Variants in SLC25A48 observed in about 807,000 individuals in gnomAD.
SLC25A48 encodes the protein CTC-321K16.1.
SLC25A48 carries 29 observed loss-of-function variants against 32.2 expected under a neutral mutation model. That is an observed-to-expected ratio of 0.90 (90% CI 0.67 to 1.23). The LOEUF is 1.23. SLC25A48 is among the 50% of genes most tolerant of loss of function. The pLI, the probability that SLC25A48 is intolerant of heterozygous loss-of-function variation, is 0.00. For missense variants in SLC25A48, 399 were observed against 422.7 expected (o/e 0.94, Z 0.49); for synonymous variants, 164 against 172.3 (o/e 0.95, Z 0.38).
intron 3 of SLC25A48, among the ~76,000 whole-genome samples, chr5:135,793,479 C>T (rs1181115574): frequency 6.6e-6 from 1 of 151,804 alleles, no homozygotes; most frequent in Non-Finnish European, 1.5e-5. Flanking sequence ...AGAGATATTA[C>T]TGTCCTAATA....
Position 135,852,642 on chromosome 5 carries a change from G to C in SLC25A48, c.242G>C (p.Ser81Thr). 1 of 1,613,778 alleles carries C rather than the reference G, an allele frequency of 6.2e-7. No homozygotes were observed. Reference protein sequence around the residue: ...VYNSVVFGVFSNTQRFLSQHR... With the variant: ...VYNSVVFGVFTNTQRFLSQHR... Reference sequence around the variant, plus strand: ...AACTCCGTGGTGTTTGGGGTCTTCAGTAACACGCAGCGGTTCCTCAGCCAG... The same window carrying C: ...AACTCCGTGGTGTTTGGGGTCTTCACTAACACGCAGCGGTTCCTCAGCCAG... The change falls in exon 4 of 8, where the codon AGT (serine) becomes ACT (threonine). Residue 81 changes from serine to threonine, a missense_variant. Physicochemically the swap from Ser to Thr is moderately conservative, Grantham distance 58. Coordinates refer to ENST00000681962, the MANE Select transcript of SLC25A48 (RefSeq NM_001349336.2).
chr5:135,785,781 T>G, intron 3 of SLC25A48, among the ~76,000 whole-genome samples: 1 of 146,338 alleles, frequency 6.8e-6, no homozygotes, highest in Non-Finnish European at 1.5e-5. Flanking sequence ...CCATGGATCG[T>G]AATATCCAGG....
At chr5:135,662,912 G>A (rs890582694) in intron 3 of SLC25A48, among the ~76,000 whole-genome samples, 3 of 152,120 alleles carry the variant, frequency 2.0e-5, no homozygotes, top group Non-Finnish European at 2.9e-5. Flanking sequence ...CCAGGCAGGA[G>A]CTCTCTCCTG....
chr5:135,700,371 CAA>C (rs34125451), intron 3 of SLC25A48, among the ~76,000 whole-genome samples: 1 of 67,952 alleles, frequency 1.5e-5, no homozygotes. Context: ...GACTCTGTCT[CAA>C]AAAAAAAAAA....
intron 3 of SLC25A48, among the ~76,000 whole-genome samples, chr5:135,774,269 C>T (rs551873552): frequency 8.6e-5 from 13 of 151,478 alleles, no homozygotes; most frequent in African/African-American, 2.7e-4. Context: ...GTCCTAATAA[C>T]GCCAGAGGTG....
intron 3 of SLC25A48, among the ~76,000 whole-genome samples, chr5:135,695,032 G>A (rs904020617): frequency 1.2e-4 from 18 of 152,210 alleles, no homozygotes; most frequent in Middle Eastern, 3.4e-3. Context: ...GGCAGCCCTC[G>A]GCTTTGCATT....
At chr5:135,703,743 C>A (rs569214866) in intron 3 of SLC25A48, among the ~76,000 whole-genome samples, 1 of 152,194 alleles carries the variant, frequency 6.6e-6, no homozygotes, top group Non-Finnish European at 1.5e-5. Context: ...CCTGCCAGAC[C>A]GTGGGCTCTG....
intron 1 of SLC25A48, among the ~76,000 whole-genome samples, chr5:135,589,615 T>C (rs764241578): frequency 3.9e-5 from 6 of 152,268 alleles, no homozygotes; most frequent in Non-Finnish European, 8.8e-5. Flanking sequence ...TCATTCATAC[T>C]TTGAATTTGG....
At chr5:135,787,210 A>C (rs1331460773) in intron 3 of SLC25A48, among the ~76,000 whole-genome samples, 1 of 152,042 alleles carries the variant, frequency 6.6e-6, no homozygotes, top group African/African-American at 2.4e-5. Flanking sequence ...GTGTACAACA[A>C]ATGTGTTCAC....
chr5:135,873,512 C>A (rs376732710), intron 5 of SLC25A48, among the ~76,000 whole-genome samples: 42 of 152,184 alleles, frequency 2.8e-4, no homozygotes, highest in Non-Finnish European at 5.3e-4. Context: ...TTGTGAGCAG[C>A]CTGTCTGCCT....
intron 4 of SLC25A48, among the ~76,000 whole-genome samples, chr5:135,857,582 C>T (rs879308248): frequency 1.3e-5 from 2 of 152,252 alleles, no homozygotes; most frequent in African/African-American, 2.4e-5. Flanking sequence ...GGGCTATGTG[C>T]TGAGAATGCA....
chr5:135,867,569 A>T (rs1341720208), intron 4 of SLC25A48, among the ~76,000 whole-genome samples: 1 of 151,978 alleles, frequency 6.6e-6, no homozygotes, highest in East Asian at 1.9e-4. Context: ...ACTGGCGGAG[A>T]TTTCTGCTGT....
chr5:135,801,872 C>T (rs1414532301), intron 3 of SLC25A48, among the ~76,000 whole-genome samples: 1 of 151,726 alleles, frequency 6.6e-6, no homozygotes, highest in Non-Finnish European at 1.5e-5. Flanking sequence ...GATGATATTA[C>T]TCGCAATATT....
chr5:135,864,071 T>C (rs1761008877), intron 4 of SLC25A48, among the ~76,000 whole-genome samples: 1 of 152,152 alleles, frequency 6.6e-6, no homozygotes, highest in South Asian at 2.1e-4. Flanking sequence ...AAGAAGGTTC[T>C]AATTTCTGGA....
At chr5:135,730,030 C>T (rs1580820792) in intron 3 of SLC25A48, among the ~76,000 whole-genome samples, 1 of 152,240 alleles carries the variant, frequency 6.6e-6, no homozygotes, top group Admixed American at 6.5e-5. Flanking sequence ...CATAAACTGA[C>T]AGGTGTAAGG....
chr5:135,729,935 A>G (rs1755186100), intron 3 of SLC25A48, among the ~76,000 whole-genome samples: 1 of 152,192 alleles, frequency 6.6e-6, no homozygotes, highest in South Asian at 2.1e-4. Context: ...TGTAATATAT[A>G]TTATGTAGTG....
chr5:135,753,101 G>T (rs147999355), intron 3 of SLC25A48, among the ~76,000 whole-genome samples: 4 of 152,090 alleles, frequency 2.6e-5, no homozygotes, highest in South Asian at 2.1e-4. Flanking sequence ...AGCAATAATT[G>T]CTCAAGGATA....
chr5:135,842,158 C>T (rs1759056391), intron 1 of SLC25A48, among the ~76,000 whole-genome samples: 1 of 152,186 alleles, frequency 6.6e-6, no homozygotes, highest in Non-Finnish European at 1.5e-5. Context: ...TATCTCCACT[C>T]TTTCACCCTT....
intron 2 of SLC25A48, among the ~76,000 whole-genome samples, chr5:135,845,687 G>T (rs895537694): frequency 8.5e-5 from 13 of 152,228 alleles, no homozygotes; most frequent in African/African-American, 3.1e-4. Context: ...CATGAAGCTT[G>T]TTCATGGAGG....
Sources: allele counts gnomAD v4.1 joint callset (sites outside exome capture counted in the v4.1 genomes callset), GRCh38; gene constraint gnomAD v4.1.1; transcripts MANE v1.5; gene names NCBI Gene and HGNC (gene_info 2026-07-23, HGNC 2026-07-21).